The following REDIC1 variants were observed in gnomAD, a reference collection of about 807,000 sequenced individuals.
REDIC1 encodes the protein regulator of DNA class I crossover intermediates 1.
At chr12:39,859,285 C>A in the REDIC1 span, among the ~76,000 whole-genome samples, 3 of 117,284 alleles carry the variant, frequency 2.6e-5, no homozygotes, top group Admixed American at 9.3e-5. Context: ...AAACAAAAAC[C>A]AAAAAAAAAG....
the REDIC1 span, among the ~76,000 whole-genome samples, chr12:39,827,200 G>A: frequency 6.6e-6 from 1 of 151,644 alleles, no homozygotes; most frequent in Non-Finnish European, 1.5e-5. Flanking sequence ...TTATTTATTT[G>A]TTTACGTTTC....
the REDIC1 span, chr12:39,721,266 T>G: frequency 2.1e-4 from 324 of 1,559,820 alleles, no homozygotes; most frequent in Non-Finnish European, 2.6e-4. Flanking sequence ...CTAAAATCTC[T>G]ACCTAGGATG....
the REDIC1 span, among the ~76,000 whole-genome samples, chr12:39,888,722 T>C: frequency 1.8e-4 from 27 of 152,336 alleles, 1 homozygote; most frequent in Admixed American, 1.3e-3. Flanking sequence ...TCAAAGAAGT[T>C]TGTCAACACA....
the REDIC1 span, among the ~76,000 whole-genome samples, chr12:39,745,083 G>C: frequency 6.6e-6 from 1 of 152,132 alleles, no homozygotes; most frequent in Non-Finnish European, 1.5e-5. Context: ...AAGTTTATTA[G>C]GACTCTGGGT....
the REDIC1 span, among the ~76,000 whole-genome samples, chr12:39,851,754 C>T: frequency 1.3e-5 from 2 of 152,170 alleles, no homozygotes; most frequent in Non-Finnish European, 2.9e-5. Flanking sequence ...TTAAGACATG[C>T]TGAGCTTTGA....
chr12:39,801,259 C>T, the REDIC1 span, among the ~76,000 whole-genome samples: 1 of 131,370 alleles, frequency 7.6e-6, no homozygotes, highest in Non-Finnish European at 1.6e-5. Flanking sequence ...AAAAAAAAAT[C>T]ATTTATTAAA....
At chr12:39,823,737 C>T in the REDIC1 span, among the ~76,000 whole-genome samples, 2 of 152,162 alleles carry the variant, frequency 1.3e-5, no homozygotes, top group East Asian at 3.8e-4. Context: ...GAATGTGCCA[C>T]CTCACCTGGC....
the REDIC1 span, among the ~76,000 whole-genome samples, chr12:39,633,324 G>A: frequency 2.6e-5 from 4 of 152,086 alleles, no homozygotes; most frequent in South Asian, 8.3e-4. Context: ...ACATGGTTAG[G>A]GATCATCAAT....
the REDIC1 span, among the ~76,000 whole-genome samples, chr12:39,741,518 C>T: frequency 6.6e-6 from 1 of 152,128 alleles, no homozygotes; most frequent in East Asian, 1.9e-4. Flanking sequence ...GAGATGTTAA[C>T]GGACAAATCA....
chr12:39,842,827 ATTTGCTATTCTG>A, the REDIC1 span, among the ~76,000 whole-genome samples: 1 of 151,838 alleles, frequency 6.6e-6, no homozygotes, highest in African/African-American at 2.4e-5. Flanking sequence ...GTCTCTATGG[ATTTGCTATTCTG>A]GACATTTTAT....
chr12:39,872,506 G>C, the REDIC1 span, among the ~76,000 whole-genome samples: 1 of 152,174 alleles, frequency 6.6e-6, no homozygotes, highest in African/African-American at 2.4e-5. Flanking sequence ...ACTGACATGG[G>C]ACCCATGAGA....
At chr12:39,656,864 G>A in the REDIC1 span, among the ~76,000 whole-genome samples, 1 of 152,130 alleles carries the variant, frequency 6.6e-6, no homozygotes, top group African/African-American at 2.4e-5. Flanking sequence ...GAATAAGGCT[G>A]TAAAGAAAAA....
chr12:39,852,616 C>A, the REDIC1 span, among the ~76,000 whole-genome samples: 1 of 152,110 alleles, frequency 6.6e-6, no homozygotes, highest in Admixed American at 6.5e-5. Flanking sequence ...AGGCAGGGAA[C>A]CTAAGGCTGA....
At chr12:39,677,508 C>T in the REDIC1 span, among the ~76,000 whole-genome samples, 1 of 151,982 alleles carries the variant, frequency 6.6e-6, no homozygotes, top group African/African-American at 2.4e-5. Flanking sequence ...TTTCAGTACC[C>T]CACTGACAAC....
chr12:39,718,130 C>T, the REDIC1 span, among the ~76,000 whole-genome samples: 1 of 152,068 alleles, frequency 6.6e-6, no homozygotes, highest in Non-Finnish European at 1.5e-5. Flanking sequence ...ACAGTAATGG[C>T]ATGTTCAATG....
chr12:39,629,634 G>A, the REDIC1 span, among the ~76,000 whole-genome samples: 1 of 152,086 alleles, frequency 6.6e-6, no homozygotes, highest in African/African-American at 2.4e-5. Flanking sequence ...TTAGAAATAA[G>A]CTTCCCTTAT....
At chr12:39,716,843 G>A in the REDIC1 span, 1 of 1,573,056 alleles carries the variant, frequency 6.4e-7, no homozygotes, top group Non-Finnish European at 8.6e-7. Context: ...GATTTGGTAA[G>A]TGATGCTTGT....
chr12:39,748,806 C>T, the REDIC1 span, among the ~76,000 whole-genome samples: 5 of 152,188 alleles, frequency 3.3e-5, no homozygotes, highest in Non-Finnish European at 4.4e-5. Flanking sequence ...GAACACCCTG[C>T]TCCTGAATGA....
the REDIC1 span, among the ~76,000 whole-genome samples, chr12:39,713,738 T>A: frequency 5.3e-5 from 8 of 149,588 alleles, no homozygotes; most frequent in South Asian, 1.0e-3. Flanking sequence ...CGTATATACA[T>A]ATGTATATAT....
Sources: gnomAD v4.1 joint callset for allele counts (sites outside exome capture counted in the v4.1 genomes callset) on GRCh38, gnomAD v4.1.1 for gene constraint, MANE v1.5 for transcripts, NCBI Gene and HGNC (gene_info 2026-07-23, HGNC 2026-07-21) for gene names.